Variants in SIMC1 observed in about 807,000 individuals in gnomAD.
SIMC1 encodes SUMO interacting motifs containing 1, also known as SUMO-interacting motif-containing protein 1.
Under a neutral mutation model 82.3 loss-of-function variants are expected in SIMC1, and 55 were observed. The ratio of observed to expected loss-of-function variants is 0.67; its 90% CI spans 0.54 to 0.84. SIMC1 has a LOEUF of 0.84. Ranked by LOEUF, SIMC1 falls within the 40% of genes least tolerant of loss-of-function variation. The pLI, the probability that SIMC1 is intolerant of heterozygous loss-of-function variation, is 0.00. For missense variants in SIMC1, 915 were observed against 1,107.2 expected, an observed-to-expected ratio of 0.83 and a Z score of 2.46; for synonymous variants, 353 against 426.3, an observed-to-expected ratio of 0.83 and a Z score of 2.12.
At chr5:176,338,098 A>G (rs1765983042) in intron 9 of SIMC1, among the ~76,000 whole-genome samples, 1 of 152,226 alleles carries the variant, frequency 6.6e-6, no homozygotes, top group African/African-American at 2.4e-5. Flanking sequence ...AGGATGCATC[A>G]TCATGTATGT....
At chr5:176,277,469 A>T (rs1762764468) in intron 1 of SIMC1, among the ~76,000 whole-genome samples, 1 of 151,652 alleles carries the variant, frequency 6.6e-6, no homozygotes, top group Non-Finnish European at 1.5e-5. Flanking sequence ...CCCATTTGTC[A>T]ATTTTGGCTT....
chr5:176,280,850 G>C (rs999331178), intron 1 of SIMC1, among the ~76,000 whole-genome samples: 12 of 152,038 alleles, frequency 7.9e-5, no homozygotes, highest in Non-Finnish European at 1.3e-4. Context: ...CTTTCTCTCT[G>C]GCTGCCCTTA....
intron 2 of SIMC1, 134 bp from the exon 3 acceptor site, chr5:176,294,896 C>T: frequency 1.6e-6 from 2 of 1,239,166 alleles, no homozygotes; most frequent in African/African-American, 3.3e-5. Flanking sequence ...ACTCGGGAGG[C>T]AGAGCTTGCA....
At chr5:176,244,367 A>G (rs1304922512) in intron 1 of SIMC1, among the ~76,000 whole-genome samples, 1 of 134,354 alleles carries the variant, frequency 7.4e-6, no homozygotes, top group Non-Finnish European at 1.6e-5. Context: ...GGAGATGCCA[A>G]GTATAACATT....
In SIMC1 at chr5:176,345,516, G is replaced by C. The variant is rs1489048734; in HGVS notation, c.*71G>C. ...CTCCAACTGCTCAGAAGCTCTAAAAGCATGAAAAGTGGTTAAAATCTTACA... is the reference window on the plus strand; with the variant it reads ...CTCCAACTGCTCAGAAGCTCTAAAACCATGAAAAGTGGTTAAAATCTTACA... On this transcript the variant is annotated 3_prime_UTR_variant, in exon 10 of 10. Coordinates refer to ENST00000429602, the MANE Select transcript of SIMC1 (RefSeq NM_001308195.2). The C allele has an allele frequency of 4.6e-6, 7 of 1,506,648 alleles. No individual in the cohort carries two copies. The highest frequency in any genetic ancestry group is 6.2e-6 in the Non-Finnish European group (7 of 1,126,940). The allele number at this position is 1,506,648 out of a possible 1,614,324, so 93.3% of individuals were successfully genotyped here. A position where few individuals can be genotyped will look rare whatever the true frequency, so the allele number is the denominator to read the frequency against.
At chr5:176,276,901 T>C (rs1389174300) in intron 1 of SIMC1, among the ~76,000 whole-genome samples, 9 of 150,542 alleles carry the variant, frequency 6.0e-5, no homozygotes, top group African/African-American at 1.5e-4. Context: ...AATGCCGCAG[T>C]AAACATACGT....
intron 5 of SIMC1, among the ~76,000 whole-genome samples, chr5:176,319,521 A>G (rs1440556918): frequency 1.3e-5 from 2 of 152,052 alleles, no homozygotes; most frequent in Non-Finnish European, 2.9e-5. Flanking sequence ...GCAAGCCCTC[A>G]TCTCTAAAAA....
chr5:176,296,104 A>G (rs1282165796), intron 3 of SIMC1, 147 bp from the exon 4 acceptor site: 1 of 1,388,556 alleles, frequency 7.2e-7, no homozygotes, highest in Admixed American at 2.5e-5. Flanking sequence ...CTACTCTCAG[A>G]TTGACATGGT....
At chr5:176,310,487 G>C (rs1764619557) in intron 4 of SIMC1, among the ~76,000 whole-genome samples, 1 of 152,126 alleles carries the variant, frequency 6.6e-6, no homozygotes, top group African/African-American at 2.4e-5. Context: ...ACTAACTGTT[G>C]GTTACAAGAA....
At chr5:176,336,578 T>G in intron 7 of SIMC1, 142 bp from the exon 8 acceptor site, 1 of 1,165,708 alleles carries the variant, frequency 8.6e-7, no homozygotes, top group Non-Finnish European at 1.2e-6. Context: ...GTCCACAGGT[T>G]TTGTGATTCT....
chr5:176,244,708 T>C (rs978484293), intron 1 of SIMC1, among the ~76,000 whole-genome samples: 1 of 147,912 alleles, frequency 6.8e-6, no homozygotes, highest in Non-Finnish European at 1.5e-5. Flanking sequence ...TAATGTTTCT[T>C]TTTTTTTTTC....
chr5:176,243,166 T>G (rs921584740), intron 1 of SIMC1, among the ~76,000 whole-genome samples: 1 of 151,934 alleles, frequency 6.6e-6, no homozygotes, highest in Non-Finnish European at 1.5e-5. Flanking sequence ...AATAGTAACT[T>G]TGGTGGGATT....
chr5:176,313,537 A>ACTAC, intron 4 of SIMC1, 154 bp from the exon 5 acceptor site: 1 of 1,549,404 alleles, frequency 6.5e-7, no homozygotes, highest in South Asian at 1.1e-5. Flanking sequence ...AATGACCCAG[A>ACTAC]CTACCTGCCC....
At chr5:176,261,766 A>T (rs188232636) in intron 1 of SIMC1, among the ~76,000 whole-genome samples, 1 of 152,272 alleles carries the variant, frequency 6.6e-6, no homozygotes, top group African/African-American at 2.4e-5. Flanking sequence ...AAGGAAAAAA[A>T]AAAGTTTTAT....
At chr5:176,342,350 A>G (rs562564773) in intron 9 of SIMC1, among the ~76,000 whole-genome samples, 47 of 151,874 alleles carry the variant, frequency 3.1e-4, no homozygotes, top group African/African-American at 1.0e-3. Flanking sequence ...CTACCTTCCA[A>G]TCTCATCTAG....
chr5:176,308,045 G>A, intron 4 of SIMC1: 1 of 700,314 alleles, frequency 1.4e-6, no homozygotes, highest in South Asian at 1.5e-5. Flanking sequence ...GTAATTAAAA[G>A]CAATGAGCTG....
chr5:176,340,025 C>G (rs957842318), intron 9 of SIMC1, among the ~76,000 whole-genome samples: 20 of 152,090 alleles, frequency 1.3e-4, no homozygotes, highest in African/African-American at 4.8e-4. Context: ...TGTCTAGCTG[C>G]AAGAGTGGGA....
At chr5:176,342,293 CCT>C (rs1321093905) in intron 9 of SIMC1, among the ~76,000 whole-genome samples, 1 of 152,140 alleles carries the variant, frequency 6.6e-6, no homozygotes, top group Non-Finnish European at 1.5e-5. Context: ...CTATAGATAC[CCT>C]GTTTGCTCTC....
chr5:176,298,185 TG>T (rs1763901327), intron 4 of SIMC1, among the ~76,000 whole-genome samples: 1 of 152,250 alleles, frequency 6.6e-6, no homozygotes, highest in Admixed American at 6.5e-5. Flanking sequence ...TGTGGCATTT[TG>T]CATGCCCATG....
Sources: allele counts gnomAD v4.1 joint callset (sites outside exome capture counted in the v4.1 genomes callset), GRCh38; gene constraint gnomAD v4.1.1; transcripts MANE v1.5; gene names NCBI Gene and HGNC (gene_info 2026-07-23, HGNC 2026-07-21).